Variants in DEF6 observed in about 807,000 individuals in gnomAD.
DEF6 encodes the protein DEF6 guanine nucleotide exchange factor.
Under a neutral mutation model 80.5 loss-of-function variants are expected in DEF6, and 32 were observed. The ratio of observed to expected loss-of-function variants is 0.40; its 90% CI spans 0.30 to 0.53. The LOEUF (loss-of-function observed/expected upper bound fraction) is 0.53. DEF6 is among the 20% of genes least tolerant of loss of function. The probability of loss-of-function intolerance (pLI) is 0.57; values close to 1 mark genes in which losing one functional copy is unlikely to be tolerated. For synonymous variants in DEF6, 300 were observed against 337.9 expected, an observed-to-expected ratio of 0.89 and a Z score of 1.23; for missense variants, 575 against 818.7, an observed-to-expected ratio of 0.70 and a Z score of 3.63.
At chr6:35,303,139 C>A (rs764514423) in intron 1 of DEF6, among the ~76,000 whole-genome samples, 1 of 152,252 alleles carries the variant, frequency 6.6e-6, no homozygotes, top group East Asian at 1.9e-4. Flanking sequence ...CCCTGAGTGT[C>A]TGGGCATTTA....
chr6:35,317,859 C>T (rs763398310), intron 5 of DEF6, 32 bp from the exon 6 acceptor site: 1 of 1,597,712 alleles, frequency 6.3e-7, no homozygotes, highest in Non-Finnish European at 8.5e-7. Flanking sequence ...CCAGTGAGGC[C>T]AGCCTGGCTG....
chr6:35,308,438 C>T (rs927004752), intron 1 of DEF6, among the ~76,000 whole-genome samples: 13 of 151,856 alleles, frequency 8.6e-5, no homozygotes, highest in Non-Finnish European at 1.0e-4. Flanking sequence ...TTTGGGAGGC[C>T]GAGGTGGGCG....
intron 1 of DEF6, among the ~76,000 whole-genome samples, chr6:35,305,279 G>A (rs1365566672): frequency 6.6e-6 from 1 of 150,900 alleles, no homozygotes. Context: ...CTGAGTAGCT[G>A]GGACTACAGG....
At chr6:35,314,994 T>G (rs1185127552) in intron 5 of DEF6, among the ~76,000 whole-genome samples, 1 of 152,184 alleles carries the variant, frequency 6.6e-6, no homozygotes, top group Non-Finnish European at 1.5e-5. Context: ...ATGTGGTTAT[T>G]TAGTTTTCCC....
chr6:35,299,764 G>T (rs1200849487), intron 1 of DEF6, among the ~76,000 whole-genome samples: 1 of 152,042 alleles, frequency 6.6e-6, no homozygotes, highest in Admixed American at 6.5e-5. Context: ...GGAAACCTGG[G>T]CTAACAGTGG....
chr6:35,300,089 A>T (rs1791295088), intron 1 of DEF6, among the ~76,000 whole-genome samples: 1 of 152,180 alleles, frequency 6.6e-6, no homozygotes, highest in African/African-American at 2.4e-5. Flanking sequence ...TGGTGCAGTC[A>T]TAGCTCACGA....
intron 9 of DEF6, among the ~76,000 whole-genome samples, chr6:35,320,220 T>C (rs1043226846): frequency 6.6e-6 from 1 of 152,208 alleles, no homozygotes; most frequent in Non-Finnish European, 1.5e-5. Context: ...AATGAGATGA[T>C]ACATGATACT....
rs1442827923 is a variant in DEF6, at chr6:35,297,818, A to C, written c.-39A>C. The C allele has an allele frequency of 6.5e-7, 1 of 1,527,464 alleles. No individual in the cohort carries two copies. The highest frequency in any genetic ancestry group is 8.9e-7 in the Non-Finnish European group (1 of 1,124,720). The allele number at this position is 1,527,464 out of a possible 1,614,324, so 94.6% of individuals were successfully genotyped here. ...TTTGCATTTCCTGAAACCGGATCTT[A>C]GTGTCAGAGCCGCCCCCAGCCGGGC... On this transcript the variant is annotated 5_prime_UTR_variant, in exon 1 of 11. Transcript: ENST00000316637.
At position 35,319,629 on chromosome 6, in the gene DEF6, G is replaced by T. The variant is rs368446360; in HGVS notation, c.1321G>T (p.Ala441Ser). Residue 441 changes from alanine to serine, a missense_variant, in exon 8 of 11, where the codon GCC becomes TCC. By Grantham distance (99) the Ala-to-Ser change is moderately conservative. Coordinates refer to ENST00000316637, the MANE Select transcript of DEF6 (RefSeq NM_022047.4). The surrounding 1 kb of genome is among the most constrained non-coding windows in gnomAD (Gnocchi z 4.5). Reference sequence around the variant, plus strand: ...GGAGATGCAGCAGCGGTTGCAGGAGGCCCTGCAACTAGAGGTGAAAGCTCG... The same window carrying T: ...GGAGATGCAGCAGCGGTTGCAGGAGTCCCTGCAACTAGAGGTGAAAGCTCG... The part of the protein sequence containing the change: ...LEEMQQRLQE[A>S]LQLEVKARRD... 1.2e-6 allele frequency: 2 copies of T among 1,613,832 alleles called. No individual in the cohort carries two copies. The highest frequency in any genetic ancestry group is 8.5e-7 in the Non-Finnish European group (1 of 1,179,848).
chr6:35,312,840 A>C lies in DEF6; in HGVS notation c.807+68A>C, dbSNP rs915074471. 2.4e-4 allele frequency: 309 copies of C among 1,314,592 alleles called. 2 individuals carry two copies. The South Asian group carries it at 2.6e-3, about 11-fold the overall frequency. The allele number at this position is 1,314,592 out of a possible 1,614,324, so 81.4% of individuals were successfully genotyped here. A position where few individuals can be genotyped will look rare whatever the true frequency, so the allele number is the denominator to read the frequency against. On this transcript the variant is annotated intron_variant, in intron 5 of 10. Transcript: ENST00000316637. This position sits in a 1 kb window ranked among gnomAD's most constrained non-coding sequence, Gnocchi z 6.6. ...GTGTCCTCAGGGGCATGAGAAGACA[A>C]GGGGGTCAGGAGAGGGGCAAATGGA...
chr6:35,318,056 A>C lies in DEF6; in HGVS notation c.916+57A>C. The C allele has an allele frequency of 1.3e-6, 2 of 1,569,986 alleles. No individual in the cohort carries two copies. Among genetic ancestry groups the C allele is most frequent in the Non-Finnish European group, 1.7e-6 (2 of 1,156,696 alleles). ...TGGTCCTTAGGCGCCTCATCTGTGAAAAGGGGGTGATAATACTTTGTCCAG... is the reference window on the plus strand; with the variant it reads ...TGGTCCTTAGGCGCCTCATCTGTGACAAGGGGGTGATAATACTTTGTCCAG... On this transcript the variant is annotated intron_variant, in intron 6 of 10. Coordinates refer to ENST00000316637, the MANE Select transcript of DEF6 (RefSeq NM_022047.4). The surrounding 1 kb of genome is among the most constrained non-coding windows in gnomAD (Gnocchi z 5.1).
chr6:35,319,501 T>G lies in DEF6; in HGVS notation c.1216-23T>G. 1.3e-6 allele frequency: 2 copies of G among 1,564,438 alleles called. No homozygotes were observed. Among genetic ancestry groups the G allele is most frequent in the Non-Finnish European group, 8.7e-7 (1 of 1,152,520 alleles). ...GTGCCCCTTTTGACCTGGCTCTTGG[T>G]CCACCACCTCCCCCCTCCACAGGCC... On this transcript the variant is annotated intron_variant, in intron 7 of 10. Transcript: ENST00000316637. This position sits in a 1 kb window ranked among gnomAD's most constrained non-coding sequence, Gnocchi z 4.5.
Position 35,319,083 on chromosome 6 carries a change from A to G in DEF6, c.1216-441A>G, listed in dbSNP as rs569978119. 6.6e-6 allele frequency among the ~76,000 whole-genome samples: 1 copy of G among 152,214 alleles called. No individual in the cohort carries two copies. The highest frequency in any genetic ancestry group is 2.1e-4 in the South Asian group (1 of 4,824). ...ACAGAGGTACGGTGAGGATTAAATG[A>G]GGAAACACTTGTAGTGTCCAGTAAC... On this transcript the variant is annotated intron_variant, in intron 7 of 10. Coordinates refer to ENST00000316637, the MANE Select transcript of DEF6 (RefSeq NM_022047.4). This position sits in a 1 kb window ranked among gnomAD's most constrained non-coding sequence, Gnocchi z 4.5.
intron 1 of DEF6, among the ~76,000 whole-genome samples, chr6:35,304,704 G>C (rs990656172): frequency 6.6e-6 from 1 of 152,012 alleles, no homozygotes; most frequent in Non-Finnish European, 1.5e-5. Flanking sequence ...AGTGAATGGG[G>C]GACATTATAC....
At position 35,297,886 on chromosome 6, in the gene DEF6, C is replaced by T; in HGVS notation, c.30C>T (p.Ser10=). The T allele has an allele frequency of 6.2e-7, 1 of 1,607,374 alleles. No individual in the cohort carries two copies. The highest frequency in any genetic ancestry group is 8.5e-7 in the Non-Finnish European group (1 of 1,177,466). Residue 10 remains serine, a synonymous_variant, in exon 1 of 11, where the codon TCC becomes TCT. Coordinates refer to ENST00000316637, the MANE Select transcript of DEF6 (RefSeq NM_022047.4). ...CCCTGCGCAAGGAACTGCTCAAGTC[C>T]ATCTGGTACGCCTTTACCGCGCTGG... MALRKELLK[S]IWYAFTALDV...
rs372927174 is a variant in DEF6, at chr6:35,309,663, A to G, written c.97-7A>G. 1.8e-5 allele frequency: 29 copies of G among 1,613,376 alleles called. No homozygotes were observed. The African/African-American group carries it at 1.9e-4, about 10-fold the overall frequency. On this transcript the variant is annotated splice_polypyrimidine_tract_variant and splice_region_variant and intron_variant, in intron 1 of 10. Coordinates refer to ENST00000316637, the MANE Select transcript of DEF6 (RefSeq NM_022047.4). Reference sequence around the variant, plus strand: ...GAAAGACACACTGCCACTCTACTCTATCCCAGGTGCTGTCCCACAACCTGT... The same window carrying G: ...GAAAGACACACTGCCACTCTACTCTGTCCCAGGTGCTGTCCCACAACCTGT...
rs1368684408 is a variant in DEF6, at chr6:35,317,888, C to T, written c.808-3C>T. The T allele has an allele frequency of 1.2e-6, 2 of 1,612,528 alleles. No homozygotes were observed. The highest frequency in any genetic ancestry group is 4.5e-5 in the East Asian group (2 of 44,832). ...CTGGCTGCGGCCACCTACCCTGTGC[C>T]AGGTGCTGCCAGACCGCGACGGAAA... On this transcript the variant is annotated splice_region_variant and splice_polypyrimidine_tract_variant and intron_variant, in intron 5 of 10. Coordinates refer to ENST00000316637, the MANE Select transcript of DEF6 (RefSeq NM_022047.4).
chr6:35,309,954 C>G (rs1791441865), intron 2 of DEF6, 144 bp downstream of exon 2: 4 of 930,592 alleles, frequency 4.3e-6, no homozygotes, highest in Non-Finnish European at 6.5e-6. Flanking sequence ...GCTGTCCCAT[C>G]ACGTCCCTCA....
intron 1 of DEF6, among the ~76,000 whole-genome samples, chr6:35,305,288 G>A (rs1791374235): frequency 6.6e-6 from 1 of 150,896 alleles, no homozygotes; most frequent in Non-Finnish European, 1.5e-5. Context: ...TGGGACTACA[G>A]GAGTGTGCCG....
Sources: allele counts gnomAD v4.1 joint callset (sites outside exome capture counted in the v4.1 genomes callset), GRCh38; gene constraint gnomAD v4.1.1; non-coding constraint Gnocchi (gnomAD v3.1); transcripts MANE v1.5; gene names NCBI Gene and HGNC (gene_info 2026-07-23, HGNC 2026-07-21).